The following OR8J1 variants were observed in gnomAD, a reference collection of about 807,000 sequenced individuals.
OR8J1 encodes the protein olfactory receptor 8J1.
For missense variants in OR8J1, 400 were observed against 373.0 expected (o/e 1.07, Z -0.60); for synonymous variants, 157 against 144.3 (o/e 1.09, Z -0.63).
Position 56,360,823 on chromosome 11 carries a change from T to G in OR8J1, c.577T>G (p.Tyr193Asp). Reference sequence around the variant, plus strand: ...GTTAGCATTATCTTGCTCTGATACTTACTTACCAGAAACAGTTGTCTTTAT... The same window carrying G: ...GTTAGCATTATCTTGCTCTGATACTGACTTACCAGAAACAGTTGTCTTTAT... ...PLLALSCSDT[Y>D]LPETVVFISA... Residue 193 changes from tyrosine (Y) to aspartate (D), a missense_variant, in exon 2 of 2, where the codon TAC (tyrosine) becomes GAC (aspartate). By Grantham distance (160) the Tyr-to-Asp change is radical (BLOSUM62 -3). Coordinates refer to ENST00000533152, the MANE Select transcript of OR8J1 (RefSeq NM_001005205.3). 1 of 1,538,912 alleles carries G rather than the reference T, an allele frequency of 6.5e-7. No individual in the cohort carries two copies. The highest frequency in any genetic ancestry group is 8.7e-7 in the Non-Finnish European group (1 of 1,150,006).
chr11:56,361,074 T>C lies in OR8J1; in HGVS notation c.828T>C (p.Ser276=). Reference sequence around the variant, plus strand: ...TGGATACTGATGATAAGATGGCTTCTGTGTTTTACACGTTGGTAATTCCTA... The same window carrying C: ...TGGATACTGATGATAAGATGGCTTCCGTGTTTTACACGTTGGTAATTCCTA... ...HSLDTDDKMA[S]VFYTLVIPML... The change falls in exon 2 of 2, where the codon TCT becomes TCC. Residue 276 remains serine, a synonymous_variant. Coordinates refer to ENST00000533152, the MANE Select transcript of OR8J1 (RefSeq NM_001005205.3). 1 of 1,518,440 alleles carries C rather than the reference T, an allele frequency of 6.6e-7. No homozygotes were observed. The highest frequency in any genetic ancestry group is 8.8e-7 in the Non-Finnish European group (1 of 1,141,278). The allele number at this position is 1,518,440 out of a possible 1,614,324, so 94.1% of individuals were successfully genotyped here.
In OR8J1 at chr11:56,361,189, A is replaced by T; in HGVS notation, c.943A>T (p.Thr315Ser). 7.7e-7 allele frequency: 1 copy of T among 1,305,606 alleles called. No individual in the cohort carries two copies. Among genetic ancestry groups the T allele is most frequent in the Non-Finnish European group, 9.9e-7 (1 of 1,005,156 alleles). 80.9% of individuals were successfully genotyped at this position (1,305,606 alleles called of 1,614,324 possible). A position where few individuals can be genotyped will look rare whatever the true frequency, so the allele number is the denominator to read the frequency against. The change falls in exon 2 of 2, where the codon ACA (threonine) becomes TCA (serine). Residue 315 changes from threonine to serine, a missense_variant. Coordinates refer to ENST00000533152, the MANE Select transcript of OR8J1 (RefSeq NM_001005205.3). ...FMTNLCYSFK[T>S]M The stretch of plus-strand genomic sequence containing the variant: ...GACAAATCTGTGCTATTCCTTTAAA[A>T]CAATGTAATTTTAAACAGTACAGGT...
intron 1 of OR8J1, among the ~76,000 whole-genome samples, chr11:56,355,295 C>A (rs941788798): frequency 4.0e-5 from 6 of 151,548 alleles, no homozygotes; most frequent in African/African-American, 1.5e-4. Flanking sequence ...AAATTAAAGT[C>A]TATTTTTGTT....
chr11:56,357,779 A>T lies in OR8J1; in HGVS notation c.-20-2448A>T, dbSNP rs1187151998. On this transcript the variant is annotated intron_variant, in intron 1 of 1. Coordinates refer to ENST00000533152, the MANE Select transcript of OR8J1 (RefSeq NM_001005205.3). ...GCTATTTGGGTGCAGGCCTTGCCAG[A>T]ACTACCACTGGCAATAAAGTTTTTG... 2.1e-5 allele frequency: 29 copies of T among 1,392,652 alleles called. No individual in the cohort carries two copies. The East Asian group carries it at 6.4e-4, about 31-fold the overall frequency. The allele number at this position is 1,392,652 out of a possible 1,614,324, so 86.3% of individuals were successfully genotyped here.
At chr11:56,355,793 C>T (rs1425753465) in intron 1 of OR8J1, among the ~76,000 whole-genome samples, 2 of 152,194 alleles carry the variant, frequency 1.3e-5, no homozygotes, top group Non-Finnish European at 2.9e-5. Flanking sequence ...TCAGAAATGA[C>T]ATTTTTAAAT....
At chr11:56,355,551 C>A (rs753091759) in intron 1 of OR8J1, among the ~76,000 whole-genome samples, 8 of 152,026 alleles carry the variant, frequency 5.3e-5, no homozygotes, top group Non-Finnish European at 1.0e-4. Context: ...TCACTTGAAC[C>A]CAGGAGGCGG....
chr11:56,354,830 T>G (rs571687724), intron 1 of OR8J1, among the ~76,000 whole-genome samples: 1 of 152,306 alleles, frequency 6.6e-6, no homozygotes, highest in South Asian at 2.1e-4. Context: ...AAGCATAATA[T>G]GTAATCCACT....
At position 56,354,306 on chromosome 11, in the gene OR8J1, A is replaced by G. The variant is rs1271356902; in HGVS notation, c.-40A>G. The G allele has an allele frequency of 6.6e-6, 1 of 152,162 alleles. No individual in the cohort carries two copies. Among genetic ancestry groups the G allele is most frequent in the Non-Finnish European group, 1.5e-5 (1 of 68,012 alleles). The allele number at this position is 152,162 out of a possible 1,614,324, so 9.4% of individuals were successfully genotyped here. ...GTCATGTATAGACTCTAAGAACCTG[A>G]AGCAGATTCTCCTCTAGAGGTGGGT... On this transcript the variant is annotated 5_prime_UTR_variant, in exon 1 of 2. Transcript: ENST00000533152.
rs1366855772 is a variant in OR8J1 at position 56,360,517 on chromosome 11, A to G, written c.271A>G (p.Thr91Ala). The G allele has an allele frequency of 6.2e-7, 1 of 1,614,040 alleles. No homozygotes were observed. The highest frequency in any genetic ancestry group is 1.3e-5 in the African/African-American group (1 of 74,914). The stretch of plus-strand genomic sequence containing the variant: ...GATTAACTTTTTAGTAAAGAAGAAA[A>G]CTACCTCATTCTATGAATGTGCCAC... ...MLINFLVKKKTTSFYECATQL... is the reference protein window; with the variant it reads ...MLINFLVKKKATSFYECATQL... The change falls in exon 2 of 2, where the codon ACT becomes GCT. Residue 91 changes from threonine to alanine, a missense_variant. Thr to Ala is a moderately conservative substitution (Grantham distance 58). Transcript: ENST00000533152.
intron 1 of OR8J1, chr11:56,357,579 T>C: frequency 9.4e-7 from 1 of 1,059,640 alleles, no homozygotes; most frequent in Non-Finnish European, 1.5e-6. Context: ...ACTGCCAAAA[T>C]ATGGTGTGAA....
rs180827769 is a variant in OR8J1, at chr11:56,356,839, G to T, written c.-21+2514G>T. ...TTTAAATGTTTCATAAGCACATAAA[G>T]CTTAATATGTTCAAAATATCACTTT... On this transcript the variant is annotated intron_variant, in intron 1 of 1. Transcript: ENST00000533152. 9.9e-5 allele frequency among the ~76,000 whole-genome samples: 15 copies of T among 152,134 alleles called. No individual in the cohort carries two copies. In the East Asian group the frequency reaches 2.9e-3, roughly 29 times the overall value.
In OR8J1 at chr11:56,360,222, A is replaced by G; in HGVS notation, c.-20-5A>G. 2.0e-6 allele frequency: 3 copies of G among 1,534,142 alleles called. No homozygotes were observed. The highest frequency in any genetic ancestry group is 8.8e-7 in the Non-Finnish European group (1 of 1,141,822). The stretch of plus-strand genomic sequence containing the variant: ...AGTTTTTAACCTCTCTTTTCCCCCA[A>G]ACAGATGAATTTCCAAACTCTGACA... On this transcript the variant is annotated splice_region_variant and splice_polypyrimidine_tract_variant and intron_variant, in intron 1 of 1. Transcript: ENST00000533152.
chr11:56,360,365 C>T lies in OR8J1; in HGVS notation c.119C>T (p.Ala40Val), dbSNP rs1852617054. The T allele has an allele frequency of 6.2e-7, 1 of 1,614,136 alleles. No homozygotes were observed. The highest frequency in any genetic ancestry group is 8.5e-7 in the Non-Finnish European group (1 of 1,180,012). The stretch of plus-strand genomic sequence containing the variant: ...CTGGTGCTCTATGGGCTGACCATGG[C>T]AGGGAACCTGGGCATCATCACCCTC... ...VFLVLYGLTMAGNLGIITLTS... is the reference protein window; with the variant it reads ...VFLVLYGLTMVGNLGIITLTS... Residue 40 changes from alanine (A) to valine (V), a missense_variant, in exon 2 of 2, where the codon GCA becomes GTA. Coordinates refer to ENST00000533152, the MANE Select transcript of OR8J1 (RefSeq NM_001005205.3).
In OR8J1 at chr11:56,360,770, A is replaced by G. The variant is rs1407722879; in HGVS notation, c.524A>G (p.Asn175Ser). 3.2e-6 allele frequency: 5 copies of G among 1,587,144 alleles called. No homozygotes were observed. Among genetic ancestry groups the G allele is most frequent in the Non-Finnish European group, 8.5e-7 (1 of 1,170,936 alleles). The change falls in exon 2 of 2, where the codon AAT becomes AGT. Residue 175 changes from asparagine to serine, a missense_variant. By Grantham distance (46) the Asn-to-Ser change is conservative (BLOSUM62 1). Transcript: ENST00000533152. ...SVSYCSSNII[N>S]HFYCDNVPLL... ...TCTTATTGCTCTTCTAATATAATCAATCATTTTTACTGTGATAATGTTCCT... is the reference window on the plus strand; with the variant it reads ...TCTTATTGCTCTTCTAATATAATCAGTCATTTTTACTGTGATAATGTTCCT...
chr11:56,358,843 G>A (rs1190474287), intron 1 of OR8J1, among the ~76,000 whole-genome samples: 1 of 152,028 alleles, frequency 6.6e-6, no homozygotes, highest in Non-Finnish European at 1.5e-5. Context: ...TAAACAGGTG[G>A]TAAATAAATA....
At chr11:56,357,717 G>A in intron 1 of OR8J1, 3 of 1,583,276 alleles carry the variant, frequency 1.9e-6, no homozygotes, top group Non-Finnish European at 2.6e-6. Context: ...TGAATACAAT[G>A]TGGAAAGCAT....
intron 1 of OR8J1, chr11:56,358,361 C>T (rs79704033): frequency 0.029 from 4,572 of 157,940 alleles, 221 homozygotes; most frequent in African/African-American, 0.1. Flanking sequence ...TCACACTGTC[C>T]TCCATTAAGA....
chr11:56,354,648 A>C (rs567492122), intron 1 of OR8J1, among the ~76,000 whole-genome samples: 1 of 152,294 alleles, frequency 6.6e-6, no homozygotes, highest in South Asian at 2.1e-4. Context: ...TTATTGCAAT[A>C]TTATTTACAA....
At chr11:56,357,679 A>G (rs1330249318) in intron 1 of OR8J1, 10 of 1,581,394 alleles carry the variant, frequency 6.3e-6, no homozygotes, top group East Asian at 2.2e-5. Flanking sequence ...GACAAGATCT[A>G]TGAAGGCCAA....
Sources: allele counts gnomAD v4.1 joint callset (sites outside exome capture counted in the v4.1 genomes callset), GRCh38; gene constraint gnomAD v4.1.1; transcripts MANE v1.5; gene names NCBI Gene and HGNC (gene_info 2026-07-23, HGNC 2026-07-21).